The following PRKG1 variants were observed in gnomAD, a reference collection of about 807,000 sequenced individuals.
The protein encoded by PRKG1 is cGMP-dependent protein kinase 1.
Under a neutral mutation model 88.1 loss-of-function variants are expected in PRKG1, and 35 were observed. That is an observed-to-expected ratio of 0.40 (90% CI 0.30 to 0.53). PRKG1 has a LOEUF of 0.53. Ranked by LOEUF, PRKG1 falls within the 20% of genes least tolerant of loss-of-function variation. The pLI, the probability that PRKG1 is intolerant of heterozygous loss-of-function variation, is 0.59. For missense variants in PRKG1, 540 were observed against 839.8 expected, an observed-to-expected ratio of 0.64 and a Z score of 4.41; for synonymous variants, 303 against 292.5, an observed-to-expected ratio of 1.04 and a Z score of -0.37.
At chr10:51,611,719 T>G (rs1029369371) in intron 3 of PRKG1, among the ~76,000 whole-genome samples, 2 of 151,898 alleles carry the variant, frequency 1.3e-5, no homozygotes, top group African/African-American at 4.8e-5. Context: ...CCTAGACCAA[T>G]GTCCTAAAGA....
rs759202250 is a variant in PRKG1 at position 51,663,389 on chromosome 10, A to G, written c.593-141196A>G. Among the ~76,000 whole-genome samples, 41 of 152,176 alleles carry G rather than the reference A, an allele frequency of 2.7e-4. 1 individual carries two copies. The highest frequency in any genetic ancestry group is 5.1e-4 in the Non-Finnish European group (35 of 68,004). The stretch of plus-strand genomic sequence containing the variant: ...GCTTATTCCTTCTATTCAATTTCAC[A>G]TCAACCTTAAAGCTGTTTAGAAAAC... On this transcript the variant is annotated intron_variant, in intron 3 of 17. Transcript: ENST00000373980.
At chr10:52,037,849 C>T (rs1437135925) in intron 5 of PRKG1, among the ~76,000 whole-genome samples, 3 of 151,516 alleles carry the variant, frequency 2.0e-5, no homozygotes, top group Non-Finnish European at 4.4e-5. Context: ...TCAGATGGAT[C>T]TGTAGAAAAG....
chr10:52,026,758 C>A (rs1385699548), intron 5 of PRKG1, among the ~76,000 whole-genome samples: 1 of 152,266 alleles, frequency 6.6e-6, no homozygotes, highest in East Asian at 1.9e-4. Flanking sequence ...ACGCGGATCA[C>A]CAACTCAGGA....
chr10:51,076,283 T>A (rs1843950628), intron 1 of PRKG1, among the ~76,000 whole-genome samples: 1 of 152,186 alleles, frequency 6.6e-6, no homozygotes, highest in Non-Finnish European at 1.5e-5. Context: ...ATTTCTGAGA[T>A]TCTGACCTTA....
At chr10:52,111,423 G>A (rs1387442155) in intron 7 of PRKG1, among the ~76,000 whole-genome samples, 2 of 152,190 alleles carry the variant, frequency 1.3e-5, no homozygotes, top group Non-Finnish European at 2.9e-5. Flanking sequence ...TATAGGATTT[G>A]TAGATAAGAA....
intron 2 of PRKG1, among the ~76,000 whole-genome samples, chr10:51,410,731 A>T (rs1221014802): frequency 6.6e-6 from 1 of 152,140 alleles, no homozygotes; most frequent in South Asian, 2.1e-4. Context: ...AAGGAAATTA[A>T]GGTTTTGGAT....
chr10:52,037,108 G>T (rs1349903918), intron 5 of PRKG1, among the ~76,000 whole-genome samples: 1 of 152,254 alleles, frequency 6.6e-6, no homozygotes, highest in Non-Finnish European at 1.5e-5. Flanking sequence ...GGGAGTGGCT[G>T]CCAGGTGAGT....
chr10:51,029,883 G>A (rs1843258584), intron 1 of PRKG1, among the ~76,000 whole-genome samples: 1 of 152,050 alleles, frequency 6.6e-6, no homozygotes, highest in African/African-American at 2.4e-5. Flanking sequence ...GGGGCAAGTA[G>A]GATAACTTCT....
intron 3 of PRKG1, chr10:51,697,976 C>T: frequency 1.2e-6 from 2 of 1,606,978 alleles, no homozygotes; most frequent in Non-Finnish European, 1.7e-6. Flanking sequence ...CATCCCTCCT[C>T]CTTGTATGCC....
chr10:52,291,803 T>C lies in PRKG1; in HGVS notation c.1962+1513T>C, dbSNP rs531061786. On this transcript the variant is annotated intron_variant, in intron 17 of 17. Transcript: ENST00000373980. The stretch of plus-strand genomic sequence containing the variant: ...TGGCTGGGTCAAATGGTATTTCTAG[T>C]TCTAGATCCCTGAGGAATCGCCACA... 1.5e-4 allele frequency among the ~76,000 whole-genome samples: 23 copies of C among 151,800 alleles called. 1 individual carries two copies. The highest frequency in any genetic ancestry group is 5.5e-4 in the African/African-American group (23 of 41,444).
intron 8 of PRKG1, among the ~76,000 whole-genome samples, chr10:52,152,476 G>A (rs1308231493): frequency 6.6e-6 from 1 of 152,066 alleles, no homozygotes; most frequent in East Asian, 1.9e-4. Context: ...CTTTGCATGG[G>A]TTGGTCAGTC....
At chr10:51,485,505 T>G (rs1840506411) in intron 3 of PRKG1, among the ~76,000 whole-genome samples, 1 of 152,142 alleles carries the variant, frequency 6.6e-6, no homozygotes, top group African/African-American at 2.4e-5. Flanking sequence ...ATATGGATTC[T>G]TAAATAAACA....
chr10:51,930,230 G>C (rs889658129), intron 5 of PRKG1, among the ~76,000 whole-genome samples: 3 of 152,124 alleles, frequency 2.0e-5, no homozygotes, highest in Admixed American at 1.3e-4. Flanking sequence ...GAGATGGAGT[G>C]GGGGGAGGAA....
intron 9 of PRKG1, among the ~76,000 whole-genome samples, chr10:52,248,022 A>T (rs1013036276): frequency 1.3e-5 from 2 of 152,244 alleles, no homozygotes; most frequent in African/African-American, 4.8e-5. Flanking sequence ...AAACGAAGGG[A>T]TGGGCCAAAT....
intron 4 of PRKG1, among the ~76,000 whole-genome samples, chr10:51,894,491 T>C (rs1391681871): frequency 1.3e-5 from 2 of 152,184 alleles, no homozygotes; most frequent in East Asian, 1.9e-4. Flanking sequence ...CATAACAATA[T>C]GAATATTGTT....
intron 4 of PRKG1, among the ~76,000 whole-genome samples, chr10:51,835,022 C>A (rs1485954849): frequency 6.6e-6 from 1 of 152,134 alleles, no homozygotes; most frequent in Non-Finnish European, 1.5e-5. Context: ...TGAAAGAAAG[C>A]CCATAAGCCC....
intron 3 of PRKG1, among the ~76,000 whole-genome samples, chr10:51,631,615 C>T (rs1048415979): frequency 1.3e-5 from 2 of 152,180 alleles, no homozygotes; most frequent in African/African-American, 4.8e-5. Context: ...TGAAGCCACT[C>T]CCCTCAGTGT....
intron 2 of PRKG1, among the ~76,000 whole-genome samples, chr10:51,297,572 A>G (rs1840752934): frequency 1.3e-5 from 2 of 152,110 alleles, no homozygotes; most frequent in Admixed American, 6.5e-5. Context: ...AGGTTTGGGT[A>G]ATAGCTGGGG....
intron 10 of PRKG1, 62 bp from the exon 11 acceptor site, chr10:52,271,288 G>A: frequency 6.5e-7 from 1 of 1,534,070 alleles, no homozygotes; most frequent in Non-Finnish European, 8.9e-7. Context: ...TTAATTTGGG[G>A]ATAATAATGC....
Sources: allele counts gnomAD v4.1 joint callset (sites outside exome capture counted in the v4.1 genomes callset), GRCh38; gene constraint gnomAD v4.1.1; transcripts MANE v1.5; gene names NCBI Gene and HGNC (gene_info 2026-07-23, HGNC 2026-07-21).